Variants in PXDN observed in about 807,000 individuals in gnomAD.
PXDN encodes peroxidasin homolog.
In PXDN, 77 loss-of-function variants were observed where a neutral mutation model predicts 140.3. That is an observed-to-expected ratio of 0.55 (90% CI 0.46 to 0.66). The LOEUF (loss-of-function observed/expected upper bound fraction) is 0.66, where lower values mean the gene tolerates loss of function less well. PXDN is among the 30% of genes least tolerant of loss of function. PXDN has a pLI of 0.00. For missense variants in PXDN, 1,838 were observed against 2,039.5 expected, an observed-to-expected ratio of 0.90 and a Z score of 1.90; for synonymous variants, 911 against 857.4, an observed-to-expected ratio of 1.06 and a Z score of -1.09.
chr2:1,678,316 G>T (rs1421576148), intron 7 of PXDN, among the ~76,000 whole-genome samples: 2 of 152,070 alleles, frequency 1.3e-5, no homozygotes, highest in Non-Finnish European at 2.9e-5. Flanking sequence ...ACCCTCCCAT[G>T]GCTCCCCATC....
At position 1,657,143 on chromosome 2, in the gene PXDN, C is replaced by CT. The variant is rs1218811353; in HGVS notation, c.1838-2636dup. ...TTAAACTGCAACTTACCCCTCCTGA[C>CT]TGGGGGGGGACCTGCCTCCTACTGA... On this transcript the variant is annotated intron_variant, in intron 14 of 22. Transcript: ENST00000252804. 1.3e-4 allele frequency among the ~76,000 whole-genome samples: 20 copies of CT among 148,746 alleles called. 1 individual carries two copies. Among genetic ancestry groups the CT allele is most frequent in the Admixed American group, 5.3e-4 (8 of 15,006 alleles).
At chr2:1,739,753 C>A (rs531577985) in intron 1 of PXDN, among the ~76,000 whole-genome samples, 113 of 152,172 alleles carry the variant, frequency 7.4e-4, no homozygotes, top group Non-Finnish European at 1.4e-3. Context: ...ACACAGAGAG[C>A]TCTGAAGATC....
chr2:1,687,778 T>C lies in PXDN; in HGVS notation c.345-75A>G, dbSNP rs920122692. 34 of 1,136,900 alleles carry C rather than the reference T, an allele frequency of 3.0e-5. No individual in the cohort carries two copies. The highest frequency in any genetic ancestry group is 2.4e-4 in the South Asian group (17 of 70,036). The allele number at this position is 1,136,900 out of a possible 1,614,324, so 70.4% of individuals were successfully genotyped here. On this transcript the variant is annotated intron_variant, in intron 3 of 22. Coordinates refer to ENST00000252804, the MANE Select transcript of PXDN (RefSeq NM_012293.3). The surrounding 1 kb of genome is among the most constrained non-coding windows in gnomAD (Gnocchi z 4.0). ...CTTCAGACGGAAAAGAAGAATTAAATTGACACATGGAGACAGTTTTACAAT... is the reference window on the plus strand; with the variant it reads ...CTTCAGACGGAAAAGAAGAATTAAACTGACACATGGAGACAGTTTTACAAT...
chr2:1,661,640 GT>G (rs1213930699), intron 13 of PXDN, among the ~76,000 whole-genome samples: 4 of 152,158 alleles, frequency 2.6e-5, no homozygotes, highest in Admixed American at 2.6e-4. Context: ...AGAAACACGG[GT>G]CATGGTGTGT....
chr2:1,642,905 G>A (rs1202831463), intron 19 of PXDN, among the ~76,000 whole-genome samples: 1 of 152,188 alleles, frequency 6.6e-6, no homozygotes, highest in East Asian at 1.9e-4. Flanking sequence ...GGCTCCTCAC[G>A]AGATATTTGA....
At chr2:1,744,160 C>A in intron 1 of PXDN, 96 bp downstream of exon 1, 22 of 1,204,464 alleles carry the variant, frequency 1.8e-5, no homozygotes, top group Non-Finnish European at 2.3e-5. Context: ...GATGCCCCCT[C>A]CACCCTCCGC....
chr2:1,728,891 G>A (rs1307284373), intron 1 of PXDN, among the ~76,000 whole-genome samples: 1 of 152,232 alleles, frequency 6.6e-6, no homozygotes, highest in Non-Finnish European at 1.5e-5. Flanking sequence ...GAGTCCTCTA[G>A]AAGCGAGACA....
At chr2:1,671,059 G>A (rs1247081609) in intron 9 of PXDN, among the ~76,000 whole-genome samples, 2 of 151,914 alleles carry the variant, frequency 1.3e-5, no homozygotes, top group Non-Finnish European at 2.9e-5. Context: ...CAAACACTGG[G>A]AGAACAAAAT....
intron 9 of PXDN, among the ~76,000 whole-genome samples, chr2:1,666,878 C>T (rs1049792407): frequency 1.3e-5 from 2 of 151,998 alleles, no homozygotes; most frequent in African/African-American, 2.4e-5. Flanking sequence ...TTAGAGTATA[C>T]AAAATATCAA....
In PXDN at chr2:1,648,423, CCT is replaced by C. The variant is rs1197300463; in HGVS notation, c.3355_3356del (p.Arg1119GlyfsTer72). 3.7e-6 allele frequency: 6 copies of C among 1,611,474 alleles called. No individual in the cohort carries two copies. The highest frequency in any genetic ancestry group is 2.2e-5 in the East Asian group (1 of 44,862). ...VNEGGIDPLL[R>X]GLFGVAGKMR... ...TTTTCCCCGCCACCCCGAACAGCCC[CCT>C]GAGAAGCGGATCGATGCCGCCCTCA... On this transcript the variant is annotated frameshift_variant, in exon 17 of 23. Coordinates refer to ENST00000252804, the MANE Select transcript of PXDN (RefSeq NM_012293.3). LOFTEE classifies it high-confidence loss of function. This position sits in a 1 kb window ranked among gnomAD's most constrained non-coding sequence, Gnocchi z 8.9.
intron 1 of PXDN, among the ~76,000 whole-genome samples, chr2:1,700,304 T>C (rs1231837370): frequency 2.6e-5 from 4 of 152,108 alleles, no homozygotes; most frequent in South Asian, 4.1e-4. Context: ...TCAGGTGATC[T>C]ACCCGCCTCA....
chr2:1,679,323 G>A (rs1314859286), intron 7 of PXDN, among the ~76,000 whole-genome samples: 2 of 140,664 alleles, frequency 1.4e-5, no homozygotes, highest in African/African-American at 5.3e-5. Flanking sequence ...TCTATAAATG[G>A]TTTGTGTGTA....
chr2:1,663,809 G>A, intron 11 of PXDN, 46 bp from the exon 12 acceptor site: 1 of 1,592,578 alleles, frequency 6.3e-7, no homozygotes, highest in Non-Finnish European at 8.5e-7. Context: ...GACGCATGGA[G>A]AACTCCTGCT....
chr2:1,632,509 T>C lies in PXDN; in HGVS notation c.*1695A>G, dbSNP rs1001531041. The C allele has an allele frequency of 2.6e-5, 4 of 152,216 alleles. No individual in the cohort carries two copies. The highest frequency in any genetic ancestry group is 9.6e-5 in the African/African-American group (4 of 41,452). The allele number at this position is 152,216 out of a possible 1,614,324, so 9.4% of individuals were successfully genotyped here. On this transcript the variant is annotated 3_prime_UTR_variant, in exon 23 of 23. Coordinates refer to ENST00000252804, the MANE Select transcript of PXDN (RefSeq NM_012293.3). The surrounding 1 kb of genome is among the most constrained non-coding windows in gnomAD (Gnocchi z 4.3). ...CCAATTTTTATCAATCACTTACCAA[T>C]ATGAGGTTAAGAAGTTAAGACAACC...
rs549166141 is a variant in PXDN, at chr2:1,738,193, G to A, written c.200+6063C>T. Among the ~76,000 whole-genome samples, 21 of 151,954 alleles carry A rather than the reference G, an allele frequency of 1.4e-4. No individual in the cohort carries two copies. In the South Asian group the frequency reaches 4.1e-3, roughly 30 times the overall value. On this transcript the variant is annotated intron_variant, in intron 1 of 22. Transcript: ENST00000252804. ...TTTTAAATAAATCACATTTTCTTCTGAACCCCAAAAGCATATGGAACTATC... is the reference window on the plus strand; with the variant it reads ...TTTTAAATAAATCACATTTTCTTCTAAACCCCAAAAGCATATGGAACTATC...
intron 19 of PXDN, among the ~76,000 whole-genome samples, chr2:1,640,941 G>A (rs1033715153): frequency 5.3e-5 from 8 of 152,152 alleles, no homozygotes; most frequent in Non-Finnish European, 1.0e-4. Context: ...CCTCCAGGAT[G>A]GCCGTCTCTT....
chr2:1,733,394 C>T (rs1196623852), intron 1 of PXDN, among the ~76,000 whole-genome samples: 1 of 152,012 alleles, frequency 6.6e-6, no homozygotes, highest in Non-Finnish European at 1.5e-5. Context: ...TGTACTGACA[C>T]GATATGGGTG....
intron 1 of PXDN, among the ~76,000 whole-genome samples, chr2:1,720,716 TCTCTCTCTCA>T (rs748606654): frequency 7.6e-5 from 6 of 78,908 alleles, no homozygotes; most frequent in East Asian, 5.3e-4. Context: ...TTTCTCTCTC[TCTCTCTCTCA>T]CACACACACA....
At chr2:1,720,001 AG>A (rs59465947) in intron 1 of PXDN, among the ~76,000 whole-genome samples, 7 of 23,510 alleles carry the variant, frequency 3.0e-4, no homozygotes, top group South Asian at 2.7e-3. Context: ...AGAGAGAGGG[AG>A]GGGAGGGATG....
Sources: allele counts gnomAD v4.1 joint callset (sites outside exome capture counted in the v4.1 genomes callset), GRCh38; gene constraint gnomAD v4.1.1; non-coding constraint Gnocchi (gnomAD v3.1); transcripts MANE v1.5; gene names NCBI Gene and HGNC (gene_info 2026-07-23, HGNC 2026-07-21).